The following ELAPOR2 variants were observed in gnomAD, a reference collection of about 807,000 sequenced individuals.
The protein encoded by ELAPOR2 is endosome/lysosome-associated apoptosis and autophagy regulator family member 2.
In ELAPOR2, 89 loss-of-function variants were observed where a neutral mutation model predicts 120.7. The observed-to-expected ratio is 0.74, with a 90% CI of 0.62 to 0.88. The LOEUF (loss-of-function observed/expected upper bound fraction) is 0.88. Among genes scored for constraint, ELAPOR2 ranks in the 40% least tolerant of loss-of-function variants. The pLI is 0.00. For missense variants in ELAPOR2, 1,134 were observed against 1,251.6 expected (o/e 0.91, Z 1.42); for synonymous variants, 444 against 444.9 (o/e 1.00, Z 0.03).
At chr7:87,004,327 A>G (rs1479413663) in intron 1 of ELAPOR2, among the ~76,000 whole-genome samples, 1 of 152,214 alleles carries the variant, frequency 6.6e-6, no homozygotes, top group Admixed American at 6.5e-5. Context: ...AGAGCAGAGA[A>G]CAGGGTTGGC....
chr7:86,882,490 G>T (rs926062272), intron 21 of ELAPOR2, among the ~76,000 whole-genome samples: 2 of 152,106 alleles, frequency 1.3e-5, no homozygotes, highest in Non-Finnish European at 2.9e-5. Context: ...AGATAATAGG[G>T]CTTTAATAGC....
At chr7:86,991,730 A>C (rs939210660) in intron 1 of ELAPOR2, among the ~76,000 whole-genome samples, 6 of 152,144 alleles carry the variant, frequency 3.9e-5, no homozygotes, top group African/African-American at 2.4e-5. Flanking sequence ...TTCCTGCTTT[A>C]TCTCTCTTGG....
intron 12 of ELAPOR2, 105 bp downstream of exon 12, chr7:86,918,323 CAAAAAAAAAAAAAA>C (rs370415220): frequency 2.3e-5 from 4 of 170,344 alleles, no homozygotes; most frequent in East Asian, 2.1e-4. Context: ...CTAAGAATAG[CAAAAAAAAAAAAAA>C]AAAAAAAAAA....
intron 8 of ELAPOR2, among the ~76,000 whole-genome samples, chr7:86,927,746 T>C (rs1790140405): frequency 6.6e-6 from 1 of 152,022 alleles, no homozygotes; most frequent in Non-Finnish European, 1.5e-5. Context: ...GTATGTTCAG[T>C]GGAGGAAAAC....
intron 21 of ELAPOR2, chr7:86,891,159 TA>T (rs1433782694): frequency 6.6e-6 from 1 of 151,970 alleles, no homozygotes; most frequent in African/African-American, 2.4e-5. Flanking sequence ...TTGCTCTATG[TA>T]AAACAATCTT....
intron 1 of ELAPOR2, among the ~76,000 whole-genome samples, chr7:87,022,197 T>A (rs1794065822): frequency 6.6e-6 from 1 of 151,704 alleles, no homozygotes; most frequent in Admixed American, 6.6e-5. Flanking sequence ...TCATTTAACA[T>A]TAGTTATATC....
intron 1 of ELAPOR2, among the ~76,000 whole-genome samples, chr7:86,972,024 T>C (rs921048825): frequency 6.6e-6 from 1 of 152,158 alleles, no homozygotes; most frequent in Admixed American, 6.5e-5. Flanking sequence ...CAGTCATGCA[T>C]TCTGTGTTCT....
intron 10 of ELAPOR2, among the ~76,000 whole-genome samples, chr7:86,923,883 A>G (rs970858535): frequency 2.0e-5 from 3 of 152,118 alleles, no homozygotes; most frequent in Non-Finnish European, 2.9e-5. Flanking sequence ...ATTTTAGCAC[A>G]TGAAGATTTG....
chr7:86,894,854 C>T (rs1347461141), intron 19 of ELAPOR2, among the ~76,000 whole-genome samples: 1 of 152,014 alleles, frequency 6.6e-6, no homozygotes, highest in South Asian at 2.1e-4. Context: ...TTTAGTGCTG[C>T]ATGACATATA....
chr7:87,008,295 T>A (rs1187522361), intron 1 of ELAPOR2, among the ~76,000 whole-genome samples: 1 of 152,120 alleles, frequency 6.6e-6, no homozygotes, highest in Non-Finnish European at 1.5e-5. Context: ...TTTTCAGAAG[T>A]ATCAACATCA....
intron 21 of ELAPOR2, among the ~76,000 whole-genome samples, chr7:86,883,460 A>G (rs1247735926): frequency 6.6e-6 from 1 of 152,220 alleles, no homozygotes; most frequent in Admixed American, 6.5e-5. Context: ...TATTTATAGT[A>G]GCTTTATTCA....
intron 1 of ELAPOR2, among the ~76,000 whole-genome samples, chr7:86,981,526 A>T (rs1323320464): frequency 1.3e-5 from 2 of 152,160 alleles, no homozygotes; most frequent in Non-Finnish European, 2.9e-5. Context: ...CATGTGCTCA[A>T]ACCATAACAA....
intron 18 of ELAPOR2, among the ~76,000 whole-genome samples, chr7:86,905,575 C>A (rs1044727699): frequency 6.6e-6 from 1 of 151,856 alleles, no homozygotes; most frequent in Non-Finnish European, 1.5e-5. Context: ...TTTAGACTGT[C>A]ACATTTTAAA....
intron 12 of ELAPOR2, among the ~76,000 whole-genome samples, chr7:86,917,581 A>G (rs371253032): frequency 6.6e-6 from 1 of 152,184 alleles, no homozygotes. Flanking sequence ...AAGGAGGCAG[A>G]CTTGGGAGAA....
chr7:86,910,093 C>T, intron 15 of ELAPOR2, 92 bp from the exon 16 acceptor site: 1 of 924,390 alleles, frequency 1.1e-6, no homozygotes, highest in Non-Finnish European at 1.6e-6. Context: ...AGAGCAGTGG[C>T]TCTCTCCTCA....
At chr7:86,996,600 G>A (rs1793133425) in intron 1 of ELAPOR2, among the ~76,000 whole-genome samples, 1 of 152,188 alleles carries the variant, frequency 6.6e-6, no homozygotes, top group African/African-American at 2.4e-5. Context: ...AGAGTTTGAA[G>A]CAGGGAGATA....
intron 1 of ELAPOR2, among the ~76,000 whole-genome samples, chr7:87,013,650 C>T (rs1028474318): frequency 1.6e-4 from 24 of 152,276 alleles, no homozygotes; most frequent in African/African-American, 5.3e-4. Flanking sequence ...ACAGCAATGA[C>T]AGACTCTCAG....
At chr7:87,023,707 T>A (rs1274639973) in intron 1 of ELAPOR2, among the ~76,000 whole-genome samples, 1 of 152,186 alleles carries the variant, frequency 6.6e-6, no homozygotes, top group African/African-American at 2.4e-5. Flanking sequence ...GCATGGAATG[T>A]TCTTCCATTT....
chr7:86,911,666 G>A (rs1238641276), intron 15 of ELAPOR2: 1 of 457,736 alleles, frequency 2.2e-6, no homozygotes, highest in Non-Finnish European at 4.4e-6. Flanking sequence ...TTTTATTTTG[G>A]ACAAGCTTCC....
Sources: gnomAD v4.1 joint callset for allele counts (sites outside exome capture counted in the v4.1 genomes callset) on GRCh38, gnomAD v4.1.1 for gene constraint, MANE v1.5 for transcripts, NCBI Gene and HGNC (gene_info 2026-07-23, HGNC 2026-07-21) for gene names.